The following IREB2 variants were observed in gnomAD, a reference collection of about 807,000 sequenced individuals.
IREB2 encodes the protein iron responsive element binding protein 2.
IREB2 carries 39 observed loss-of-function variants against 118.8 expected under a neutral mutation model. The observed-to-expected ratio is 0.33, with a 90% CI of 0.25 to 0.43. The LOEUF is 0.43. IREB2 is among the 20% of genes least tolerant of loss of function. IREB2 has a pLI of 1.00. For synonymous variants in IREB2, 372 were observed against 392.2 expected, an observed-to-expected ratio of 0.95 and a Z score of 0.61; for missense variants, 900 against 1,147.3, an observed-to-expected ratio of 0.78 and a Z score of 3.11.
chr15:78,467,293 T>C (rs1472931502), intron 5 of IREB2, among the ~76,000 whole-genome samples: 1 of 151,864 alleles, frequency 6.6e-6, no homozygotes, highest in Non-Finnish European at 1.5e-5. Flanking sequence ...TCTAAATAAG[T>C]GATTTCCTAT....
intron 2 of IREB2, among the ~76,000 whole-genome samples, chr15:78,452,414 T>C (rs1410464892): frequency 6.6e-6 from 1 of 152,174 alleles, no homozygotes; most frequent in African/African-American, 2.4e-5. Context: ...AGACTTGGAC[T>C]ACAGAAAATA....
At chr15:78,456,229 A>G (rs1183153489) in intron 2 of IREB2, among the ~76,000 whole-genome samples, 1 of 152,138 alleles carries the variant, frequency 6.6e-6, no homozygotes, top group African/African-American at 2.4e-5. Flanking sequence ...GAAATAAGAA[A>G]TTTTGTTTTT....
intron 20 of IREB2, among the ~76,000 whole-genome samples, chr15:78,495,645 G>T (rs1262224088): frequency 6.6e-6 from 1 of 152,158 alleles, no homozygotes; most frequent in African/African-American, 2.4e-5. Flanking sequence ...CCCAGTGTTT[G>T]TCAGTTTAGA....
intron 20 of IREB2, among the ~76,000 whole-genome samples, chr15:78,495,847 G>T (rs1374715599): frequency 6.6e-6 from 1 of 152,178 alleles, no homozygotes; most frequent in Non-Finnish European, 1.5e-5. Context: ...GAGAAGGGAG[G>T]TGAACAGGAA....
intron 1 of IREB2, chr15:78,438,784 G>A (rs1180261681): frequency 8.8e-6 from 2 of 228,098 alleles, no homozygotes; most frequent in East Asian, 2.3e-4. Context: ...TTGATTCCAC[G>A]GTCCAGCCTA....
At chr15:78,438,736 G>A (rs924833337) in intron 1 of IREB2, 1 of 323,318 alleles carries the variant, frequency 3.1e-6, no homozygotes, top group Admixed American at 4.4e-5. Flanking sequence ...GAAGGCGGGG[G>A]CCTGCGTCTC....
At chr15:78,449,460 T>C (rs2050987250) in intron 2 of IREB2, among the ~76,000 whole-genome samples, 1 of 152,198 alleles carries the variant, frequency 6.6e-6, no homozygotes, top group Non-Finnish European at 1.5e-5. Flanking sequence ...CTGGGAATTG[T>C]GTGGCAAACA....
At chr15:78,497,786 T>C (rs930491721) in intron 21 of IREB2, among the ~76,000 whole-genome samples, 4 of 152,196 alleles carry the variant, frequency 2.6e-5, no homozygotes, top group Admixed American at 1.3e-4. Flanking sequence ...CTTCCCCAAT[T>C]AATAAGTCAA....
intron 8 of IREB2, chr15:78,475,690 A>T (rs1338316848): frequency 1.3e-5 from 2 of 152,276 alleles, no homozygotes; most frequent in Admixed American, 1.3e-4. Flanking sequence ...TACAAAAAAA[A>T]AAAAGTTAAA....
At position 78,498,375 on chromosome 15, in the gene IREB2, G is replaced by A. The variant is rs2051877765; in HGVS notation, c.*232G>A. On this transcript the variant is annotated 3_prime_UTR_variant, in exon 22 of 22. Coordinates refer to ENST00000258886, the MANE Select transcript of IREB2 (RefSeq NM_004136.4). Reference sequence around the variant, plus strand: ...AAAATCAACGTGTGAAGTGTGTTGTGGAAGAGACCTGTAAGTATGGGGGGG... The same window carrying A: ...AAAATCAACGTGTGAAGTGTGTTGTAGAAGAGACCTGTAAGTATGGGGGGG... The A allele has an allele frequency of 7.9e-6, 2 of 253,860 alleles. No homozygotes were observed. Among genetic ancestry groups the A allele is most frequent in the Non-Finnish European group, 1.4e-5 (2 of 140,524 alleles). The allele number at this position is 253,860 out of a possible 1,614,324, so 15.7% of individuals were successfully genotyped here.
In IREB2 at chr15:78,499,437, ATCTT is replaced by A. The variant is rs1567005046; in HGVS notation, c.*1298_*1301del. On this transcript the variant is annotated 3_prime_UTR_variant, in exon 22 of 22. Coordinates refer to ENST00000258886, the MANE Select transcript of IREB2 (RefSeq NM_004136.4). The stretch of plus-strand genomic sequence containing the variant: ...TGTAGTGATTTTTTTTCACATAGAT[ATCTT>A]TCTATGACCTAGTTAGTTACTGCAA... 1 of 152,164 alleles carries A rather than the reference ATCTT, an allele frequency of 6.6e-6. No homozygotes were observed. The highest frequency in any genetic ancestry group is 6.5e-5 in the Admixed American group (1 of 15,278). 9.4% of individuals were successfully genotyped at this position (152,164 alleles called of 1,614,324 possible).
chr15:78,477,936 T>C (rs1206974579), intron 9 of IREB2, among the ~76,000 whole-genome samples: 1 of 151,358 alleles, frequency 6.6e-6, no homozygotes, highest in Non-Finnish European at 1.5e-5. Context: ...ATAATAAATT[T>C]ATTGGCGGGG....
chr15:78,488,105 C>T (rs2051690864), intron 14 of IREB2, 75 bp from the exon 15 acceptor site: 7 of 1,395,280 alleles, frequency 5.0e-6, no homozygotes, highest in Non-Finnish European at 4.9e-6. Context: ...TTTAAGATTG[C>T]TTATATATGA....
At chr15:78,455,586 A>G (rs1042755555) in intron 2 of IREB2, among the ~76,000 whole-genome samples, 2 of 151,908 alleles carry the variant, frequency 1.3e-5, no homozygotes, top group Admixed American at 6.6e-5. Context: ...AAAAGAAAAA[A>G]AGAAAAAAAC....
intron 21 of IREB2, 102 bp downstream of exon 21, chr15:78,497,413 A>T (rs1401682709): frequency 2.4e-6 from 2 of 829,216 alleles, no homozygotes; most frequent in Admixed American, 4.9e-5. Flanking sequence ...TCACTTAATG[A>T]ATGTTAAGTT....
At chr15:78,470,951 C>T (rs191182335) in intron 6 of IREB2, 3,877 of 153,524 alleles carry the variant, frequency 0.025, 58 homozygotes, top group Non-Finnish European at 0.036. Flanking sequence ...TGCCTCGGCC[C>T]CCCCCAAAGT....
Position 78,439,877 on chromosome 15 carries a change from G to T in IREB2, c.102G>T (p.Lys34Asn). ...TCGATGTATCTAAACTTGGCACCAAGTATGGTAATGTTGCTTTACATTTTC... is the reference window on the plus strand; with the variant it reads ...TCGATGTATCTAAACTTGGCACCAATTATGGTAATGTTGCTTTACATTTTC... ...KFFDVSKLGT[K>N]YDVLPYSIRV... The change falls in exon 2 of 22, where the codon AAG becomes AAT. Residue 34 changes from lysine (K) to asparagine (N), a missense_variant. Physicochemically the swap from Lys to Asn is moderately conservative, Grantham distance 94. Transcript: ENST00000258886. 6.4e-7 allele frequency: 1 copy of T among 1,566,704 alleles called. No homozygotes were observed. Among genetic ancestry groups the T allele is most frequent in the Non-Finnish European group, 8.8e-7 (1 of 1,141,836 alleles).
intron 2 of IREB2, among the ~76,000 whole-genome samples, chr15:78,456,286 A>C (rs1334277613): frequency 6.6e-6 from 1 of 152,200 alleles, no homozygotes; most frequent in Non-Finnish European, 1.5e-5. Flanking sequence ...CTTCCCTGGC[A>C]GTAGGTCTCT....
intron 20 of IREB2, among the ~76,000 whole-genome samples, chr15:78,494,763 G>A (rs532957295): frequency 2.0e-5 from 3 of 152,164 alleles, no homozygotes; most frequent in South Asian, 4.2e-4. Flanking sequence ...TGTAGAGATC[G>A]GATCTCTCTA....
Sources: gnomAD v4.1 joint callset for allele counts (sites outside exome capture counted in the v4.1 genomes callset) on GRCh38, gnomAD v4.1.1 for gene constraint, MANE v1.5 for transcripts, NCBI Gene and HGNC (gene_info 2026-07-23, HGNC 2026-07-21) for gene names.